GABRE: variants seen among roughly 807,000 people sequenced by gnomAD.
The protein encoded by GABRE is gamma-aminobutyric acid type A receptor subunit epsilon.
GABRE carries 20 observed loss-of-function variants against 31.0 expected under a neutral mutation model. That is an observed-to-expected ratio of 0.64 (90% confidence interval 0.45 to 0.94). GABRE has a LOEUF of 0.94. Ranked by LOEUF, GABRE falls within the 40% of genes least tolerant of loss-of-function variation. GABRE has a pLI of 0.00. For synonymous variants in GABRE, 155 were observed against 150.6 expected (o/e 1.03, Z -0.21); for missense variants, 420 against 410.7 (o/e 1.02, Z -0.20).
rs1315533462 is a variant in GABRE, at chrX:151,953,706, T to C, written c.*995A>G. ...CCGGGTATAACAGTGGACTGGTTTATGGGTCCAGGGGTCAAGCAAGTGATA... is the reference window on the plus strand; with the variant it reads ...CCGGGTATAACAGTGGACTGGTTTACGGGTCCAGGGGTCAAGCAAGTGATA... On this transcript the variant is annotated 3_prime_UTR_variant, in exon 9 of 9. Coordinates refer to ENST00000370328, the MANE Select transcript of GABRE (RefSeq NM_004961.4). The C allele has an allele frequency of 8.9e-6, 1 of 112,102 alleles. No homozygotes were observed. Among genetic ancestry groups the C allele is most frequent in the African/African-American group, 3.2e-5 (1 of 30,794 alleles). The allele number at this position is 112,102 out of a possible 1,213,427, so 9.2% of individuals were successfully genotyped here.
In GABRE at chrX:151,953,301, A is replaced by T. The variant is rs1199552393; in HGVS notation, c.*1400T>A. Reference sequence around the variant, plus strand: ...CACTGGGTTACTACAGCCAGGAGAGATTTGATCTTGGGGGCAGTCTGAGCA... The same window carrying T: ...CACTGGGTTACTACAGCCAGGAGAGTTTTGATCTTGGGGGCAGTCTGAGCA... On this transcript the variant is annotated 3_prime_UTR_variant, in exon 9 of 9. Coordinates refer to ENST00000370328, the MANE Select transcript of GABRE (RefSeq NM_004961.4). 9.0e-6 allele frequency: 1 copy of T among 111,330 alleles called. No homozygotes were observed. The highest frequency in any genetic ancestry group is 9.5e-5 in the Admixed American group (1 of 10,494). 9.2% of individuals were successfully genotyped at this position (111,330 alleles called of 1,213,427 possible).
intron 6 of GABRE, chrX:151,957,210 G>A: frequency 4.7e-6 from 1 of 213,020 alleles, no homozygotes; most frequent in Non-Finnish European, 8.7e-6. Context: ...CTCCTATTTT[G>A]GAAAGTGGAT....
intron 1 of GABRE, chrX:151,971,427 A>T (rs193221847): frequency 1.0e-4 from 24 of 235,860 alleles, no homozygotes; most frequent in African/African-American, 6.3e-4. Context: ...ATCATTTATG[A>T]CACAATAGGA....
chrX:151,970,313 A>C lies in GABRE; in HGVS notation c.146T>G (p.Leu49Arg). ...AGTTGACTTTGTTTCCTCAGAGAGG[A>C]GCTGATTTTCCAGAGGCTGGGGCTG... ...GPQPQPLENQ[L>R]LSEETKSTET... The change falls in exon 2 of 9, where the codon CTC becomes CGC. Residue 49 changes from leucine (L) to arginine (R), a missense_variant. Transcript: ENST00000370328. 8.3e-7 allele frequency: 1 copy of C among 1,211,593 alleles called. No homozygotes were observed. The highest frequency in any genetic ancestry group is 1.1e-6 in the Non-Finnish European group (1 of 895,567).
intron 3 of GABRE, among the ~76,000 whole-genome samples, chrX:151,967,643 A>G (rs1023806227): frequency 4.4e-5 from 5 of 112,790 alleles, no homozygotes; most frequent in African/African-American, 1.6e-4. Context: ...GCAAGACTAA[A>G]AGGAGACTAC....
chrX:151,966,123 T>C (rs902323573), intron 3 of GABRE, among the ~76,000 whole-genome samples: 5 of 112,426 alleles, frequency 4.4e-5, no homozygotes, highest in African/African-American at 1.6e-4. Context: ...TTAATTTCTA[T>C]TCGACAACTG....
intron 3 of GABRE, among the ~76,000 whole-genome samples, chrX:151,963,339 C>G (rs1308287235): frequency 8.9e-6 from 1 of 112,256 alleles, no homozygotes; most frequent in African/African-American, 3.2e-5. Context: ...AACAACCCAA[C>G]CACTTGTTTT....
At chrX:151,961,807 GAAAACAAAACAAAACAAAAC>G (rs61666720) in intron 4 of GABRE, among the ~76,000 whole-genome samples, 76 of 108,060 alleles carry the variant, frequency 7.0e-4, no homozygotes, top group African/African-American at 2.6e-3. Context: ...TAACAAGAGA[GAAAACAAAACAAAACAAAAC>G]AAAACAAAAC....
chrX:151,974,506 T>G lies in GABRE; in HGVS notation c.56+64A>C, dbSNP rs1240734570. On this transcript the variant is annotated intron_variant, in intron 1 of 8. Transcript: ENST00000370328. ...GGGGCCGCTGGGGTCCCGGGAGCCG[T>G]CCCGGCTCCCGGGGAGAGGGAGCTG... is the stretch of plus-strand genomic sequence containing the variant. 1.1e-5 allele frequency: 8 copies of G among 723,432 alleles called. No individual in the cohort carries two copies. In the South Asian group the frequency reaches 1.7e-4, roughly 16 times the overall value. 59.6% of individuals were successfully genotyped at this position (723,432 alleles called of 1,213,427 possible).
At chrX:151,970,726 A>G (rs1934668380) in intron 1 of GABRE, among the ~76,000 whole-genome samples, 1 of 112,400 alleles carries the variant, frequency 8.9e-6, no homozygotes, top group Non-Finnish European at 1.9e-5. Flanking sequence ...GCGCTGGCCC[A>G]CTGTGACTAG....
At chrX:151,963,691 G>A (rs982600049) in intron 3 of GABRE, among the ~76,000 whole-genome samples, 1 of 112,421 alleles carries the variant, frequency 8.9e-6, no homozygotes, top group Non-Finnish European at 1.9e-5. Context: ...GGAAGCCTAT[G>A]ATCACTAGGT....
In GABRE at chrX:151,974,635, G is replaced by C. The variant is rs764762486; in HGVS notation, c.-10C>G. On this transcript the variant is annotated 5_prime_UTR_variant, in exon 1 of 9. Transcript: ENST00000370328. ...GAACTTTGGACAACATTTCCGCGGA[G>C]ACCGGCGCGACCACCTGCGCGGAGG... The C allele has an allele frequency of 1.7e-6, 2 of 1,159,290 alleles. No homozygotes were observed. The highest frequency in any genetic ancestry group is 2.3e-6 in the Non-Finnish European group (2 of 863,183).
Position 151,953,931 on chromosome X carries a change from G to A in GABRE, c.*770C>T, listed in dbSNP as rs191560111. The stretch of plus-strand genomic sequence containing the variant: ...GGAAGAGGGTGGCATATAAAGCAGG[G>A]AGTAGTTACTATAATCACACACAAA... On this transcript the variant is annotated 3_prime_UTR_variant, in exon 9 of 9. Coordinates refer to ENST00000370328, the MANE Select transcript of GABRE (RefSeq NM_004961.4). The A allele has an allele frequency of 1.8e-4, 20 of 112,028 alleles. No homozygotes were observed. The highest frequency in any genetic ancestry group is 6.2e-4 in the African/African-American group (19 of 30,874). The allele number at this position is 112,028 out of a possible 1,213,427, so 9.2% of individuals were successfully genotyped here.
intron 1 of GABRE, chrX:151,971,005 G>A: frequency 7.9e-6 from 5 of 630,822 alleles, no homozygotes; most frequent in Non-Finnish European, 7.8e-6. Flanking sequence ...CAGCCATCCA[G>A]GAACTGGCTG....
In GABRE at chrX:151,963,559, G is replaced by C. The variant is rs190976499; in HGVS notation, c.343-916C>G. Among the ~76,000 whole-genome samples, 441 of 112,393 alleles carry C rather than the reference G, an allele frequency of 3.9e-3. 1 individual carries two copies. Among genetic ancestry groups the C allele is most frequent in the Non-Finnish European group, 5.8e-3 (311 of 53,261 alleles). The stretch of plus-strand genomic sequence containing the variant: ...CCAACAGAATGGCAAATGTGACTAT[G>C]GTCCATGCAGATCTTACTGACATGG... On this transcript the variant is annotated intron_variant, in intron 3 of 8. Transcript: ENST00000370328.
chrX:151,972,808 C>G (rs1235543782), intron 1 of GABRE: 2 of 247,892 alleles, frequency 8.1e-6, no homozygotes, highest in African/African-American at 6.0e-5. Context: ...ATACCTTTCC[C>G]CAGCCAGCCA....
chrX:151,972,450 G>A (rs758625293), intron 1 of GABRE: 21 of 751,865 alleles, frequency 2.8e-5, no homozygotes, highest in East Asian at 1.5e-4. Flanking sequence ...GGCTGGAAAC[G>A]TGGCACAATC....
chrX:151,973,223 G>T (rs1176393441), intron 1 of GABRE, among the ~76,000 whole-genome samples: 1 of 110,259 alleles, frequency 9.1e-6, no homozygotes, highest in Non-Finnish European at 1.9e-5. Context: ...TGACACCACA[G>T]GTTGCTATGC....
At chrX:151,972,315 C>G in intron 1 of GABRE, 1 of 754,037 alleles carries the variant, frequency 1.3e-6, no homozygotes, top group Non-Finnish European at 1.6e-6. Context: ...TTTCAAATGC[C>G]ATATCTAGAA....
Sources: allele counts gnomAD v4.1 joint callset (sites outside exome capture counted in the v4.1 genomes callset), GRCh38; gene constraint gnomAD v4.1.1; transcripts MANE v1.5; gene names NCBI Gene and HGNC (gene_info 2026-07-23, HGNC 2026-07-21).